The following UTP4 variants were observed in gnomAD, a reference collection of about 807,000 sequenced individuals.
UTP4 encodes the protein UTP4 small subunit processome component.
In UTP4, 45 loss-of-function variants were observed where a neutral mutation model predicts 82.4. The observed-to-expected ratio is 0.55, with a 90% CI of 0.43 to 0.70. The LOEUF is 0.70. UTP4 is among the 30% of genes least tolerant of loss of function. The pLI, the probability that UTP4 is intolerant of heterozygous loss-of-function variation, is 0.00. For missense variants in UTP4, 819 were observed against 858.3 expected, an observed-to-expected ratio of 0.95 and a Z score of 0.57; for synonymous variants, 348 against 300.3, an observed-to-expected ratio of 1.16 and a Z score of -1.64.
At chr16:69,147,466 C>T (rs889894357) in intron 6 of UTP4, among the ~76,000 whole-genome samples, 1 of 151,902 alleles carries the variant, frequency 6.6e-6, no homozygotes, top group Non-Finnish European at 1.5e-5. Flanking sequence ...GATCACCCCG[C>T]TGCACTCCAG....
Position 69,165,614 on chromosome 16 carries a change from C to T in UTP4, c.1833+88C>T, listed in dbSNP as rs555871326. 1.3e-5 allele frequency: 15 copies of T among 1,116,330 alleles called. No individual in the cohort carries two copies. In the Admixed American group the frequency reaches 2.5e-4, roughly 18 times the overall value. 69.2% of individuals were successfully genotyped at this position (1,116,330 alleles called of 1,614,324 possible). On this transcript the variant is annotated intron_variant, in intron 15 of 16. Transcript: ENST00000314423. ...GTACAATAAGGTAAGAGGACAGAGA[C>T]TCAGAATAAAGGTAGCTAGTAAATC... is the stretch of plus-strand genomic sequence containing the variant.
intron 16 of UTP4, 82 bp from the exon 17 acceptor site, chr16:69,168,739 G>A: frequency 1.2e-6 from 1 of 867,852 alleles, no homozygotes; most frequent in South Asian, 1.3e-5. Flanking sequence ...TTTTAGCTTA[G>A]ATGGTGTCTA....
In UTP4 at chr16:69,163,118, G is replaced by C; in HGVS notation, c.1587G>C (p.Val529=). 1 of 1,614,122 alleles carries C rather than the reference G, an allele frequency of 6.2e-7. No homozygotes were observed. Among genetic ancestry groups the C allele is most frequent in the South Asian group, 1.1e-5 (1 of 91,084 alleles). The part of the protein sequence containing the change: ...HCTVPAYNFP[V]TAMAIAPNTN... ...CGGTGCCTGCTTACAATTTCCCAGT[G>C]ACTGCTATGGCTATTGCCCCCAATA... The change falls in exon 14 of 17, where the codon GTG becomes GTC. Residue 529 remains valine (V), a synonymous_variant. Coordinates refer to ENST00000314423, the MANE Select transcript of UTP4 (RefSeq NM_032830.3).
Position 69,137,917 on chromosome 16 carries a change from G to A in UTP4, c.436+32G>A, listed in dbSNP as rs562350763. The A allele has an allele frequency of 5.4e-6, 7 of 1,305,652 alleles. No homozygotes were observed. The East Asian group carries it at 1.1e-4, about 21-fold the overall frequency. The allele number at this position is 1,305,652 out of a possible 1,614,324, so 80.9% of individuals were successfully genotyped here. ...GTCATTTTTCATGGGGCGGTAAATA[G>A]CCTTAACAAGAAATTAAGTTTCTGT... On this transcript the variant is annotated intron_variant, in intron 4 of 16. Transcript: ENST00000314423.
rs143140611 is a variant in UTP4 at position 69,156,950 on chromosome 16, A to G, written c.1288-134A>G. The G allele has an allele frequency of 9.4e-4, 773 of 820,278 alleles. 2 individuals are homozygous for G. In the African/African-American group the frequency reaches 0.011, roughly 11 times the overall value. 50.8% of individuals were successfully genotyped at this position (820,278 alleles called of 1,614,324 possible). ...ATGTATAGATTACTGGAGAGAAACC[A>G]GTGTTCTGTGCCGAGTCAGTTGGCT... On this transcript the variant is annotated intron_variant, in intron 11 of 16. Transcript: ENST00000314423.
Position 69,153,644 on chromosome 16 carries a change from T to G in UTP4, c.1063T>G (p.Leu355Val). Residue 355 changes from leucine (L) to valine (V), a missense_variant, in exon 9 of 17, where the codon TTA becomes GTA. Leu to Val is a conservative substitution (Grantham distance 32). Transcript: ENST00000314423. ...TCTCCTCTTCCAGTTTGCTCATCAC[T>G]TAGAACTTTGGCGACTGGGATCCAC... ...QLLLFQFAHH[L>V]ELWRLGSTVA... 6.2e-7 allele frequency: 1 copy of G among 1,613,498 alleles called. No individual in the cohort carries two copies. Among genetic ancestry groups the G allele is most frequent in the South Asian group, 1.1e-5 (1 of 90,836 alleles).
chr16:69,155,220 C>T (rs1299911593), intron 10 of UTP4, among the ~76,000 whole-genome samples: 1 of 152,078 alleles, frequency 6.6e-6, no homozygotes, highest in East Asian at 1.9e-4. Flanking sequence ...GTTATCCAGG[C>T]TGGAGAGCAG....
intron 6 of UTP4, 122 bp from the exon 7 acceptor site, chr16:69,150,415 C>T: frequency 9.0e-7 from 1 of 1,108,792 alleles, no homozygotes; most frequent in Non-Finnish European, 1.4e-6. Context: ...ACCCTTGTAA[C>T]TTTCCTACTG....
Sources: gnomAD v4.1 joint callset for allele counts (sites outside exome capture counted in the v4.1 genomes callset) on GRCh38, gnomAD v4.1.1 for gene constraint, MANE v1.5 for transcripts, NCBI Gene and HGNC (gene_info 2026-07-23, HGNC 2026-07-21) for gene names.